Variants in RTTN observed in about 807,000 individuals in gnomAD.
The protein encoded by RTTN is rotatin.
RTTN carries 182 observed loss-of-function variants against 269.2 expected under a neutral mutation model. The observed-to-expected ratio is 0.68, with a 90% CI of 0.60 to 0.76. The LOEUF (loss-of-function observed/expected upper bound fraction) is 0.76. Ranked by LOEUF, RTTN falls within the 30% of genes least tolerant of loss-of-function variation. RTTN has a pLI of 0.00. For synonymous variants in RTTN, 1,006 were observed against 963.5 expected (o/e 1.04, Z -0.82); for missense variants, 2,545 against 2,608.6 (o/e 0.98, Z 0.53).
chr18:70,021,563 A>C (rs2056705372), intron 44 of RTTN, among the ~76,000 whole-genome samples: 1 of 152,208 alleles, frequency 6.6e-6, no homozygotes, highest in Admixed American at 6.5e-5. Context: ...ATGAGTAAAC[A>C]AACAAAAGAT....
chr18:70,184,686 A>T, intron 10 of RTTN, among the ~76,000 whole-genome samples: 1 of 144,676 alleles, frequency 6.9e-6, no homozygotes, highest in African/African-American at 2.6e-5. Context: ...ACTCAATTCC[A>T]TTCAAAACCA....
chr18:70,135,906 C>T (rs750311867), intron 21 of RTTN, among the ~76,000 whole-genome samples: 7 of 152,136 alleles, frequency 4.6e-5, no homozygotes, highest in Non-Finnish European at 1.0e-4. Flanking sequence ...AGTCTCAGTT[C>T]CCACTTCTGT....
At chr18:70,016,124 A>T (rs186774348) in intron 46 of RTTN, among the ~76,000 whole-genome samples, 216 of 152,350 alleles carry the variant, frequency 1.4e-3, no homozygotes, top group Middle Eastern at 6.8e-3. Context: ...CTACAAGCTA[A>T]CTGAACTTTA....
chr18:70,152,819 A>C (rs1040563479), intron 14 of RTTN, among the ~76,000 whole-genome samples: 2 of 152,146 alleles, frequency 1.3e-5, no homozygotes, highest in African/African-American at 4.8e-5. Context: ...TCTTGCTTCC[A>C]TCCTGACCCC....
At chr18:70,053,896 A>G (rs1206681127) in intron 38 of RTTN, among the ~76,000 whole-genome samples, 1 of 152,232 alleles carries the variant, frequency 6.6e-6, no homozygotes, top group Non-Finnish European at 1.5e-5. Flanking sequence ...TCACACAGAG[A>G]GCTTTGCCCT....
In RTTN at chr18:70,024,825, A is replaced by C. The variant is rs757341074; in HGVS notation, c.5847T>G (p.Leu1949=). Residue 1949 remains leucine (L), a synonymous_variant, in exon 44 of 49, where the codon CTT becomes CTG. Coordinates refer to ENST00000640769, the MANE Select transcript of RTTN (RefSeq NM_173630.4). ...ECKEAALEAH[L]VPVLHSLWPW... ...GCCAGAGAGAGTGCAAGACAGGGAC[A>C]AGGTGAGCTTCAAGAGCTGCTTCCT... 6.2e-7 allele frequency: 1 copy of C among 1,613,960 alleles called. No individual in the cohort carries two copies. Among genetic ancestry groups the C allele is most frequent in the Non-Finnish European group, 8.5e-7 (1 of 1,179,906 alleles).
At chr18:70,099,496 G>A (rs1017885069) in intron 28 of RTTN, among the ~76,000 whole-genome samples, 53 of 152,178 alleles carry the variant, frequency 3.5e-4, no homozygotes, top group African/African-American at 6.5e-4. Flanking sequence ...TGTCAGATGC[G>A]TAGATTGCAA....
At chr18:70,053,350 T>C (rs1049407159) in intron 38 of RTTN, 33 of 152,202 alleles carry the variant, frequency 2.2e-4, no homozygotes, top group African/African-American at 7.5e-4. Flanking sequence ...GATATCACCT[T>C]GTTGAGCTTG....
At chr18:70,179,198 A>T (rs2061366520) in intron 10 of RTTN, among the ~76,000 whole-genome samples, 1 of 152,172 alleles carries the variant, frequency 6.6e-6, no homozygotes, top group Non-Finnish European at 1.5e-5. Flanking sequence ...CCCTCATACA[A>T]ACAACTACTG....
chr18:70,006,508 A>G, intron 46 of RTTN, 24 bp from the exon 47 acceptor site: 1 of 1,561,932 alleles, frequency 6.4e-7, no homozygotes, highest in South Asian at 1.1e-5. Context: ...TATATTTTTT[A>G]AAAGTTCAGT....
intron 23 of RTTN, chr18:70,131,062 C>G (rs2059985230): frequency 6.6e-6 from 1 of 151,036 alleles, no homozygotes; most frequent in African/African-American, 2.4e-5. Context: ...AGCCAATGTT[C>G]CTACAAAAAA....
chr18:70,130,949 CAAAT>C (rs2059982980), intron 23 of RTTN: 1 of 151,562 alleles, frequency 6.6e-6, no homozygotes, highest in Admixed American at 6.6e-5. Flanking sequence ...TAAACTCCCC[CAAAT>C]AAATAAGCAA....
At chr18:70,081,498 G>C (rs1473677136) in intron 32 of RTTN, among the ~76,000 whole-genome samples, 1 of 151,992 alleles carries the variant, frequency 6.6e-6, no homozygotes, top group Non-Finnish European at 1.5e-5. Flanking sequence ...ACCAACAATG[G>C]GAAAGAGAGA....
rs1334431640 is a variant in RTTN, at chr18:70,150,712, C to T, written c.1951G>A (p.Val651Ile). 5.6e-6 allele frequency: 9 copies of T among 1,602,174 alleles called. No individual in the cohort carries two copies. Among genetic ancestry groups the T allele is most frequent in the Non-Finnish European group, 6.8e-6 (8 of 1,170,712 alleles). Residue 651 changes from valine to isoleucine, a missense_variant, in exon 15 of 49, where the codon GTC becomes ATC. Transcript: ENST00000640769. The stretch of plus-strand genomic sequence containing the variant: ...CAAAGTGAAGACACGGGTTTAGTGA[C>T]ATTATGGACACCTAAACATTCCTGT... ...ITKECLGVHN[V>I]TKPVSSLCNG...
Position 70,203,249 on chromosome 18 carries a change from G to A in RTTN, c.397+837C>T, listed in dbSNP as rs376310389. Among the ~76,000 whole-genome samples, 31 of 152,040 alleles carry A rather than the reference G, an allele frequency of 2.0e-4. 1 individual carries two copies. Among genetic ancestry groups the A allele is most frequent in the African/African-American group, 5.5e-4 (23 of 41,462 alleles). On this transcript the variant is annotated intron_variant, in intron 3 of 48. Coordinates refer to ENST00000640769, the MANE Select transcript of RTTN (RefSeq NM_173630.4). ...GAGTCTTGCTCTGTCACCCAGGCTG[G>A]AGTGCAATGGAGTGATCTCAGCTCA...
chr18:70,049,924 T>C (rs374743179), intron 39 of RTTN, among the ~76,000 whole-genome samples: 1 of 152,212 alleles, frequency 6.6e-6, no homozygotes, highest in Non-Finnish European at 1.5e-5. Flanking sequence ...TTATCATGTA[T>C]ACCAGATTTT....
rs538907448 is a variant in RTTN at position 70,095,059 on chromosome 18, C to T, written c.3904-2255G>A. Among the ~76,000 whole-genome samples the T allele has an allele frequency of 2.8e-4, 13 of 46,158 alleles. No homozygotes were observed. The East Asian group carries it at 9.5e-3, about 34-fold the overall frequency. 30.3% of individuals were successfully genotyped at this position (46,158 alleles called of 152,430 possible). ...TTGATCCCTTTATCATTATGTAATG[C>T]CTTGTTTTTTTTTTTATCTTTGTTG... On this transcript the variant is annotated intron_variant, in intron 28 of 48. Coordinates refer to ENST00000640769, the MANE Select transcript of RTTN (RefSeq NM_173630.4).
At chr18:70,162,132 GA>G (rs1291347229) in intron 14 of RTTN, among the ~76,000 whole-genome samples, 3 of 152,080 alleles carry the variant, frequency 2.0e-5, no homozygotes, top group Non-Finnish European at 4.4e-5. Context: ...CAGTGGATTG[GA>G]TAAAGAAACT....
chr18:70,025,502 T>G (rs1599152362), intron 43 of RTTN, among the ~76,000 whole-genome samples: 1 of 152,214 alleles, frequency 6.6e-6, no homozygotes, highest in East Asian at 1.9e-4. Flanking sequence ...ATTATGCACG[T>G]GAGCATGCAC....
Sources: gnomAD v4.1 joint callset for allele counts (sites outside exome capture counted in the v4.1 genomes callset) on GRCh38, gnomAD v4.1.1 for gene constraint, MANE v1.5 for transcripts, NCBI Gene and HGNC (gene_info 2026-07-23, HGNC 2026-07-21) for gene names.